RNF180: variants seen among roughly 807,000 people sequenced by gnomAD.
RNF180 encodes E3 ubiquitin-protein ligase RNF180.
A neutral mutation model predicts 59.2 loss-of-function variants in RNF180; 38 were observed. The observed-to-expected ratio is 0.64, with a 90% CI of 0.50 to 0.84. RNF180 has a LOEUF of 0.84. RNF180 is among the 40% of genes least tolerant of loss of function. The probability of loss-of-function intolerance (pLI) is 0.00; values close to 1 mark genes in which losing one functional copy is unlikely to be tolerated. For missense variants in RNF180, 705 were observed against 700.9 expected, an observed-to-expected ratio of 1.01 and a Z score of -0.07; for synonymous variants, 262 against 240.3, an observed-to-expected ratio of 1.09 and a Z score of -0.84.
chr5:64,317,860 C>G (rs1004270841), intron 5 of RNF180, among the ~76,000 whole-genome samples: 1 of 152,138 alleles, frequency 6.6e-6, no homozygotes, highest in Non-Finnish European at 1.5e-5. Flanking sequence ...AAAAGTGTTG[C>G]TTAGCCTAGC....
Position 64,347,406 on chromosome 5 carries a change from A to G in RNF180, c.1579+17000A>G, listed in dbSNP as rs76368805. ...AGAAATTCCAAAAAGTAAGGTTACA[A>G]CTATCTGGAGAAGAGGGAAGGGGCA... On this transcript the variant is annotated intron_variant, in intron 7 of 7. Transcript: ENST00000389100. Among the ~76,000 whole-genome samples the G allele has an allele frequency of 1.9e-3, 294 of 152,314 alleles. 1 individual carries two copies. The highest frequency in any genetic ancestry group is 6.7e-3 in the African/African-American group (279 of 41,580).
At chr5:64,267,871 T>A (rs1201377028) in intron 5 of RNF180, among the ~76,000 whole-genome samples, 2 of 152,166 alleles carry the variant, frequency 1.3e-5, no homozygotes, top group Non-Finnish European at 2.9e-5. Context: ...GTATCTTTAA[T>A]TTCTGGTGAC....
chr5:64,224,786 T>G (rs1274338561), intron 5 of RNF180, among the ~76,000 whole-genome samples: 1 of 152,244 alleles, frequency 6.6e-6, no homozygotes, highest in Non-Finnish European at 1.5e-5. Flanking sequence ...GTGATAGTAT[T>G]CACAGATGGG....
intron 5 of RNF180, 134 bp downstream of exon 5, chr5:64,217,530 T>A: frequency 7.9e-7 from 1 of 1,259,930 alleles, no homozygotes; most frequent in Non-Finnish European, 1.0e-6. Context: ...TCTCAGTGTT[T>A]TAAAATTTTA....
intron 5 of RNF180, among the ~76,000 whole-genome samples, chr5:64,290,713 T>G (rs1742536163): frequency 1.3e-5 from 2 of 152,210 alleles, no homozygotes; most frequent in South Asian, 4.1e-4. Flanking sequence ...CTTTTTCAGT[T>G]TTCCATTGTC....
intron 5 of RNF180, among the ~76,000 whole-genome samples, chr5:64,282,623 T>C (rs1742068758): frequency 6.6e-6 from 1 of 152,194 alleles, no homozygotes; most frequent in Non-Finnish European, 1.5e-5. Context: ...CTAGGTATGA[T>C]GTTAGGTTGT....
intron 5 of RNF180, among the ~76,000 whole-genome samples, chr5:64,238,045 A>G (rs887440127): frequency 6.6e-6 from 1 of 152,200 alleles, no homozygotes; most frequent in South Asian, 2.1e-4. Flanking sequence ...AATACAGTCT[A>G]TGAACTTGAC....
chr5:64,278,442 C>A (rs1156810363), intron 5 of RNF180, among the ~76,000 whole-genome samples: 1 of 152,070 alleles, frequency 6.6e-6, no homozygotes, highest in Non-Finnish European at 1.5e-5. Flanking sequence ...CTAAGTTGTA[C>A]AAATTGTGAG....
chr5:64,211,138 T>C (rs754695344), intron 2 of RNF180, among the ~76,000 whole-genome samples: 2 of 152,130 alleles, frequency 1.3e-5, no homozygotes, highest in Non-Finnish European at 2.9e-5. Flanking sequence ...CTGGTGTTAA[T>C]AGTTTCATTG....
intron 5 of RNF180, among the ~76,000 whole-genome samples, chr5:64,257,679 G>C (rs897636053): frequency 1.3e-5 from 2 of 152,074 alleles, no homozygotes; most frequent in Non-Finnish European, 1.5e-5. Flanking sequence ...TTGTGTGTGT[G>C]TCTCTGCCAG....
At chr5:64,189,195 T>C (rs1364884181) in intron 1 of RNF180, among the ~76,000 whole-genome samples, 4 of 151,998 alleles carry the variant, frequency 2.6e-5, no homozygotes, top group Admixed American at 2.0e-4. Flanking sequence ...GTCTATGGTA[T>C]TGTGTTATGG....
At chr5:64,327,337 G>C (rs928895997) in intron 6 of RNF180, among the ~76,000 whole-genome samples, 2 of 151,778 alleles carry the variant, frequency 1.3e-5, no homozygotes, top group African/African-American at 4.8e-5. Context: ...GGTTTGGTTT[G>C]TTCTTGCTTT....
At chr5:64,277,998 G>C (rs1232686191) in intron 5 of RNF180, among the ~76,000 whole-genome samples, 2 of 152,158 alleles carry the variant, frequency 1.3e-5, no homozygotes, top group Non-Finnish European at 2.9e-5. Flanking sequence ...AAGAGTATCT[G>C]TGACAGTTTG....
chr5:64,247,245 A>T (rs1743241158), intron 5 of RNF180, among the ~76,000 whole-genome samples: 1 of 152,148 alleles, frequency 6.6e-6, no homozygotes, highest in South Asian at 2.1e-4. Context: ...TCAGTACAGT[A>T]TTGGAAGTTG....
At chr5:64,276,137 C>T (rs972764116) in intron 5 of RNF180, among the ~76,000 whole-genome samples, 8 of 152,042 alleles carry the variant, frequency 5.3e-5, no homozygotes, top group African/African-American at 1.9e-4. Flanking sequence ...AAAAGACCTT[C>T]CAAATCTATT....
chr5:64,341,424 T>G (rs1580280731), intron 7 of RNF180, among the ~76,000 whole-genome samples: 2 of 152,300 alleles, frequency 1.3e-5, no homozygotes, highest in Admixed American at 1.3e-4. Flanking sequence ...ACTGGACTGT[T>G]GATATCAATA....
At chr5:64,331,187 G>A (rs7705946) in intron 7 of RNF180, among the ~76,000 whole-genome samples, 43,557 of 152,124 alleles carry the variant, frequency 0.29, 6,474 homozygotes, top group African/African-American at 0.35. Context: ...GCAGCTCAGC[G>A]CAACCTGCAT....
intron 7 of RNF180, among the ~76,000 whole-genome samples, chr5:64,362,086 A>G (rs1746277722): frequency 6.6e-6 from 1 of 151,490 alleles, no homozygotes; most frequent in African/African-American, 2.4e-5. Flanking sequence ...TATTGATTAA[A>G]ATAATTTTTT....
intron 7 of RNF180, among the ~76,000 whole-genome samples, chr5:64,356,513 G>T (rs1461296533): frequency 1.3e-5 from 2 of 151,750 alleles, no homozygotes; most frequent in Non-Finnish European, 2.9e-5. Flanking sequence ...ATACCCAAAA[G>T]AATTGAAAAC....
Sources: gnomAD v4.1 joint callset for allele counts (sites outside exome capture counted in the v4.1 genomes callset) on GRCh38, gnomAD v4.1.1 for gene constraint, MANE v1.5 for transcripts, NCBI Gene and HGNC (gene_info 2026-07-23, HGNC 2026-07-21) for gene names.